Variants in DYSF observed in about 807,000 individuals in gnomAD.
DYSF encodes the protein dystrophy-associated fer-1-like 1.
In DYSF, 212 loss-of-function variants were observed where a neutral mutation model predicts 274.9. The observed-to-expected ratio is 0.77, with a 90% CI of 0.69 to 0.86. DYSF has a LOEUF of 0.86. DYSF is among the 40% of genes least tolerant of loss of function. The pLI, the probability that DYSF is intolerant of heterozygous loss-of-function variation, is 0.00. For missense variants in DYSF, 2,666 were observed against 2,783.2 expected (o/e 0.96, Z 0.95); for synonymous variants, 1,091 against 1,078.7 (o/e 1.01, Z -0.22).
rs538890127 is a variant in DYSF at position 71,477,210 on chromosome 2, G to A, written c.92-3673G>A. ...AAGCAGTGTCTCCCTGAGGGAAAGT[G>A]ACAGGAGGGTTTTATGGGGCAATGG... On this transcript the variant is annotated intron_variant, in intron 1 of 55. Coordinates refer to ENST00000410020, the MANE Select transcript of DYSF (RefSeq NM_001130987.2). Among the ~76,000 whole-genome samples the A allele has an allele frequency of 4.6e-5, 7 of 152,270 alleles. No homozygotes were observed. In the South Asian group the frequency reaches 1.4e-3, roughly 32 times the overall value.
chr2:71,543,398 C>T (rs1446203391), intron 17 of DYSF, among the ~76,000 whole-genome samples: 3 of 150,538 alleles, frequency 2.0e-5, no homozygotes, highest in African/African-American at 7.4e-5. Flanking sequence ...GGCAGAGGGG[C>T]TCCTCACATC....
At chr2:71,509,613 A>G (rs1045729286) in intron 4 of DYSF, among the ~76,000 whole-genome samples, 25 of 151,990 alleles carry the variant, frequency 1.6e-4, no homozygotes, top group Non-Finnish European at 3.5e-4. Flanking sequence ...CTATTTATTT[A>G]CTGTGGTATG....
chr2:71,467,580 T>C (rs993830987), intron 1 of DYSF, among the ~76,000 whole-genome samples: 2 of 152,108 alleles, frequency 1.3e-5, no homozygotes, highest in Non-Finnish European at 2.9e-5. Context: ...CACACTCCTC[T>C]TCTCACCAGG....
At chr2:71,539,098 T>C in intron 16 of DYSF, 59 bp from the exon 17 acceptor site, 1 of 1,480,378 alleles carries the variant, frequency 6.8e-7, no homozygotes, top group Non-Finnish European at 9.4e-7. Context: ...ACTTCCTGGG[T>C]GGGCTGTGGC....
chr2:71,669,499 G>A lies in DYSF; in HGVS notation c.5643-106G>A, dbSNP rs149155464. On this transcript the variant is annotated intron_variant, in intron 50 of 55. Coordinates refer to ENST00000410020, the MANE Select transcript of DYSF (RefSeq NM_001130987.2). ...CCGATTTCCTGGGAATTCTTTTTGC[G>A]ATAAGCTCATTTACCTTCTTAACTC... is the stretch of plus-strand genomic sequence containing the variant. 636 of 1,403,806 alleles carry A rather than the reference G, an allele frequency of 4.5e-4. 5 individuals are homozygous for A. In the African/African-American group the frequency reaches 7.8e-3, roughly 17 times the overall value. 87.0% of individuals were successfully genotyped at this position (1,403,806 alleles called of 1,614,324 possible). A position where few individuals can be genotyped will look rare whatever the true frequency, so the allele number is the denominator to read the frequency against.
Position 71,526,239 on chromosome 2 carries a change from C to T in DYSF, c.1169C>T (p.Ser390Phe). 1 of 1,614,272 alleles carries T rather than the reference C, an allele frequency of 6.2e-7. No individual in the cohort carries two copies. Residue 390 changes from serine (S) to phenylalanine (F), a missense_variant, in exon 13 of 56, where the codon TCT becomes TTT. Physicochemically the swap from Ser to Phe is radical, Grantham distance 155 (BLOSUM62 -2). This residue lies in a region of DYSF where 794 missense variants were observed against 777.1 expected (regional missense o/e 1.02). Coordinates refer to ENST00000410020, the MANE Select transcript of DYSF (RefSeq NM_001130987.2). The stretch of plus-strand genomic sequence containing the variant: ...TTGTAGCTGGAGAGAAAAGACCCCT[C>T]TGAAGACAAGGAGGACATTGAAAGC... ...DEAPLERKDPSEDKEDIESNL... is the reference protein window; with the variant it reads ...DEAPLERKDPFEDKEDIESNL...
At chr2:71,587,396 T>G (rs1025843153) in intron 30 of DYSF, among the ~76,000 whole-genome samples, 1 of 152,232 alleles carries the variant, frequency 6.6e-6, no homozygotes, top group African/African-American at 2.4e-5. Flanking sequence ...TGCTTGATTC[T>G]TACTGAAATG....
intron 40 of DYSF, among the ~76,000 whole-genome samples, chr2:71,617,832 A>G (rs1209802320): frequency 4.4e-4 from 16 of 36,644 alleles, no homozygotes; most frequent in South Asian, 9.8e-4. Flanking sequence ...GAGGTGGGGT[A>G]TAAGTGTGTG....
chr2:71,461,149 C>G (rs993516055), intron 1 of DYSF, among the ~76,000 whole-genome samples: 1 of 152,112 alleles, frequency 6.6e-6, no homozygotes, highest in Non-Finnish European at 1.5e-5. Context: ...CTAAGACAGA[C>G]TTGGTCTCTC....
chr2:71,467,049 C>A lies in DYSF; in HGVS notation c.91+116C>A, dbSNP rs1215974697. On this transcript the variant is annotated intron_variant, in intron 1 of 55. Coordinates refer to ENST00000410020, the MANE Select transcript of DYSF (RefSeq NM_001130987.2). Reference sequence around the variant, plus strand: ...ACCCTAGTCCAGGCCACAGTTTCTCCCTTTGTCAGCAGGGACGGAAATCCC... The same window carrying A: ...ACCCTAGTCCAGGCCACAGTTTCTCACTTTGTCAGCAGGGACGGAAATCCC... 5 of 1,409,158 alleles carry A rather than the reference C, an allele frequency of 3.5e-6. No individual in the cohort carries two copies. The Admixed American group carries it at 6.6e-5, about 18-fold the overall frequency. 87.3% of individuals were successfully genotyped at this position (1,409,158 alleles called of 1,614,324 possible).
chr2:71,611,694 A>G, intron 38 of DYSF, 68 bp downstream of exon 38: 2 of 1,563,502 alleles, frequency 1.3e-6, no homozygotes, highest in Non-Finnish European at 1.7e-6. Context: ...GTCCCCGAGC[A>G]GCCTGGGGCT....
At chr2:71,491,381 C>T (rs970091581) in intron 3 of DYSF, among the ~76,000 whole-genome samples, 2 of 152,208 alleles carry the variant, frequency 1.3e-5, no homozygotes, top group African/African-American at 4.8e-5. Flanking sequence ...AGGCATTTAC[C>T]CAGAGGTGCA....
intron 30 of DYSF, 109 bp from the exon 31 acceptor site, chr2:71,589,484 C>A (rs141393119): frequency 2.0e-5 from 17 of 866,146 alleles, no homozygotes; most frequent in Non-Finnish European, 3.4e-5. Flanking sequence ...GTTCAGCTTT[C>A]GGCAGCGGAG....
At chr2:71,637,548 A>G (rs957408575) in intron 41 of DYSF, among the ~76,000 whole-genome samples, 1 of 152,148 alleles carries the variant, frequency 6.6e-6, no homozygotes, top group Non-Finnish European at 1.5e-5. Flanking sequence ...GGGCCAGGGA[A>G]GTGAGATGAG....
Position 71,565,380 on chromosome 2 carries a change from G to T in DYSF, c.2565+1167G>T, listed in dbSNP as rs62143854. ...TGCTGGGATTCAGGCGTGAGCCACC[G>T]CGCCAGCCCTCCTTACCTCTTTTCA... On this transcript the variant is annotated intron_variant, in intron 24 of 55. Transcript: ENST00000410020. Among the ~76,000 whole-genome samples the T allele has an allele frequency of 2.8e-3, 419 of 151,888 alleles. 1 individual carries two copies. The highest frequency in any genetic ancestry group is 4.7e-3 in the Non-Finnish European group (321 of 67,950).
chr2:71,600,184 A>G (rs1297474839), intron 33 of DYSF, among the ~76,000 whole-genome samples: 3 of 152,192 alleles, frequency 2.0e-5, no homozygotes, highest in Admixed American at 2.0e-4. Context: ...GGAGTTAAGG[A>G]AAGTGCCTGA....
intron 55 of DYSF, among the ~76,000 whole-genome samples, chr2:71,685,397 T>C (rs1212530914): frequency 6.6e-6 from 1 of 152,222 alleles, no homozygotes; most frequent in East Asian, 1.9e-4. Context: ...GGCTGCAGAC[T>C]GGCTTTGCTC....
In DYSF at chr2:71,548,386, G is replaced by T. The variant is rs140355928; in HGVS notation, c.1577-2655G>T. Among the ~76,000 whole-genome samples the T allele has an allele frequency of 4.1e-4, 62 of 152,330 alleles. 2 individuals carry two copies. In the East Asian group the frequency reaches 0.01, roughly 25 times the overall value. Reference sequence around the variant, plus strand: ...TTCTGGAGGACAGCAACAGGTAAAGGTGAACAAGGAAGGGAAGTAATCAGC... The same window carrying T: ...TTCTGGAGGACAGCAACAGGTAAAGTTGAACAAGGAAGGGAAGTAATCAGC... On this transcript the variant is annotated intron_variant, in intron 17 of 55. Coordinates refer to ENST00000410020, the MANE Select transcript of DYSF (RefSeq NM_001130987.2).
chr2:71,564,303 CCTAT>C, intron 24 of DYSF, 90 bp downstream of exon 24: 1 of 1,551,492 alleles, frequency 6.4e-7, no homozygotes, highest in South Asian at 1.1e-5. Flanking sequence ...CTGTTCTTGA[CCTAT>C]CTTAGTTCTT....
Sources: gnomAD v4.1 joint callset for allele counts (sites outside exome capture counted in the v4.1 genomes callset) on GRCh38, gnomAD v4.1.1 for gene constraint, gnomAD v4.1.1 regional missense constraint, MANE v1.5 for transcripts, NCBI Gene and HGNC (gene_info 2026-07-23, HGNC 2026-07-21) for gene names.